The following CRYBG3 variants were observed in gnomAD, a reference collection of about 807,000 sequenced individuals.
The protein encoded by CRYBG3 is crystallin beta-gamma domain containing 3.
Under a neutral mutation model 244.2 loss-of-function variants are expected in CRYBG3, and 127 were observed. That is an observed-to-expected ratio of 0.52 (90% CI 0.45 to 0.60). The LOEUF is 0.60. Among genes scored for constraint, CRYBG3 ranks in the 20% least tolerant of loss-of-function variants. CRYBG3 has a pLI of 0.00. For synonymous variants in CRYBG3, 1,132 were observed against 1,195.8 expected (o/e 0.95, Z 1.10); for missense variants, 3,325 against 3,442.5 (o/e 0.97, Z 0.85).
chr3:97,875,235 T>C lies in CRYBG3; in HGVS notation c.4041T>C (p.Asp1347=), dbSNP rs762247855. 5.8e-5 allele frequency: 88 copies of C among 1,528,304 alleles called. No individual in the cohort carries two copies. The highest frequency in any genetic ancestry group is 7.3e-5 in the Non-Finnish European group (84 of 1,144,120). 94.7% of individuals were successfully genotyped at this position (1,528,304 alleles called of 1,614,324 possible). A position where few individuals can be genotyped will look rare whatever the true frequency, so the allele number is the denominator to read the frequency against. Residue 1347 remains aspartate, a synonymous_variant, in exon 4 of 22, where the codon GAT becomes GAC. Coordinates refer to ENST00000389622, the MANE Select transcript of CRYBG3 (RefSeq NM_153605.4). ...ATACTTCAAAAATTCTGAACAGTGATAGTGTTAAGCCACATGATGTAGTTA... is the reference window on the plus strand; with the variant it reads ...ATACTTCAAAAATTCTGAACAGTGACAGTGTTAAGCCACATGATGTAGTTA... ...QANTSKILNS[D]SVKPHDVVRE...
intron 2 of CRYBG3, among the ~76,000 whole-genome samples, chr3:97,843,636 G>A (rs1576515530): frequency 6.6e-6 from 1 of 152,196 alleles, no homozygotes; most frequent in Non-Finnish European, 1.5e-5. Flanking sequence ...ATGTTGCAAA[G>A]CAATAGTGCT....
At chr3:97,914,167 A>G (rs570694939) in intron 16 of CRYBG3, among the ~76,000 whole-genome samples, 1 of 152,174 alleles carries the variant, frequency 6.6e-6, no homozygotes, top group South Asian at 2.1e-4. Flanking sequence ...GTTTTTGTTT[A>G]TATACTTACC....
chr3:97,876,275 A>G lies in CRYBG3; in HGVS notation c.5081A>G (p.His1694Arg), dbSNP rs2039371062. Residue 1694 changes from histidine to arginine, a missense_variant, in exon 4 of 22, where the codon CAC becomes CGC. Physicochemically the swap from His to Arg is conservative, Grantham distance 29. This residue lies in a region of CRYBG3 where 635 missense variants were observed against 771.7 expected (regional missense o/e 0.82). Coordinates refer to ENST00000389622, the MANE Select transcript of CRYBG3 (RefSeq NM_153605.4). ...TIALSEVENIHQKGGEGISEK... is the reference protein window; with the variant it reads ...TIALSEVENIRQKGGEGISEK... The stretch of plus-strand genomic sequence containing the variant: ...GCCTTGTCAGAAGTGGAAAATATCC[A>G]CCAAAAAGGTGGTGAAGGGATTAGT... The G allele has an allele frequency of 8.1e-7, 1 of 1,232,046 alleles. No individual in the cohort carries two copies. The highest frequency in any genetic ancestry group is 1.0e-6 in the Non-Finnish European group (1 of 987,936). 76.3% of individuals were successfully genotyped at this position (1,232,046 alleles called of 1,614,324 possible). A position where few individuals can be genotyped will look rare whatever the true frequency, so the allele number is the denominator to read the frequency against.
rs199866360 is a variant in CRYBG3 at position 97,899,301 on chromosome 3, T to A, written c.7971+38T>A. 8.6e-5 allele frequency: 136 copies of A among 1,582,768 alleles called. 1 individual carries two copies. The East Asian group carries it at 2.6e-3, about 30-fold the overall frequency. On this transcript the variant is annotated intron_variant, in intron 14 of 21. Transcript: ENST00000389622. ...TGAACATAGCCAGTGCTGCATCATGTAATAGTATGCAATTAAATATGTGGA... is the reference window on the plus strand; with the variant it reads ...TGAACATAGCCAGTGCTGCATCATGAAATAGTATGCAATTAAATATGTGGA...
At chr3:97,850,149 A>G (rs1317800182) in intron 2 of CRYBG3, among the ~76,000 whole-genome samples, 2 of 152,098 alleles carry the variant, frequency 1.3e-5, no homozygotes, top group African/African-American at 2.4e-5. Context: ...ACACTACCCA[A>G]TCTTGACACC....
In CRYBG3 at chr3:97,875,850, G is replaced by T. The variant is rs2039364891; in HGVS notation, c.4656G>T (p.Lys1552Asn). The part of the protein sequence containing the change: ...SMLETGKTNK[K>N]DAELNILKYE... Reference sequence around the variant, plus strand: ...TAGAAACAGGGAAAACAAACAAAAAGGATGCTGAATTGAATATTCTGAAAT... The same window carrying T: ...TAGAAACAGGGAAAACAAACAAAAATGATGCTGAATTGAATATTCTGAAAT... The change falls in exon 4 of 22, where the codon AAG (lysine) becomes AAT (asparagine). Residue 1552 changes from lysine to asparagine, a missense_variant. By Grantham distance (94) the Lys-to-Asn change is moderately conservative. Coordinates refer to ENST00000389622, the MANE Select transcript of CRYBG3 (RefSeq NM_153605.4). The T allele has an allele frequency of 5.7e-6, 7 of 1,231,972 alleles. No individual in the cohort carries two copies. The highest frequency in any genetic ancestry group is 6.1e-6 in the Non-Finnish European group (6 of 987,890). 76.3% of individuals were successfully genotyped at this position (1,231,972 alleles called of 1,614,324 possible). A position where few individuals can be genotyped will look rare whatever the true frequency, so the allele number is the denominator to read the frequency against.
intron 15 of CRYBG3, among the ~76,000 whole-genome samples, chr3:97,908,187 T>C (rs1165075391): frequency 6.6e-6 from 1 of 152,206 alleles, no homozygotes; most frequent in African/African-American, 2.4e-5. Flanking sequence ...AATTTTGGAA[T>C]AGGTGTGTTG....
In CRYBG3 at chr3:97,874,510, A is replaced by AC; in HGVS notation, c.3317dup (p.Thr1107TyrfsTer7). 1 of 1,534,916 alleles carries AC rather than the reference A, an allele frequency of 6.5e-7. No individual in the cohort carries two copies. The highest frequency in any genetic ancestry group is 8.7e-7 in the Non-Finnish European group (1 of 1,146,380). ...CTCTGTAACTAACCTGTTGTACCCTACTACCTCTTATTTGGAATTTGAAAC... is the reference window on the plus strand; with the variant it reads ...CTCTGTAACTAACCTGTTGTACCCTACCTACCTCTTATTTGGAATTTGAAAC... On this transcript the variant is annotated frameshift_variant, in exon 4 of 22. Transcript: ENST00000389622. LOFTEE classifies it high-confidence loss of function.
chr3:97,942,350 A>T lies in CRYBG3; in HGVS notation c.8731A>T (p.Thr2911Ser), dbSNP rs764915783. Residue 2911 changes from threonine (T) to serine (S), a missense_variant, in exon 21 of 22, where the codon ACT (threonine) becomes TCT (serine). Around this residue, in one of 4 missense-constraint regions of CRYBG3, gnomAD observed 714 missense variants for 803.6 expected, o/e 0.89. Coordinates refer to ENST00000389622, the MANE Select transcript of CRYBG3 (RefSeq NM_153605.4). ...ACCTGGAGCTAAAGTAGCTCTATGG[A>T]CTGAACATGGGCAATTCAGGCAGAA... ...DTPGAKVALW[T>S]EHGQFRQKWR... The T allele has an allele frequency of 3.1e-6, 5 of 1,611,910 alleles. No individual in the cohort carries two copies. Among genetic ancestry groups the T allele is most frequent in the Non-Finnish European group, 4.2e-6 (5 of 1,178,608 alleles).
chr3:97,888,186 C>T (rs545033487), intron 8 of CRYBG3, among the ~76,000 whole-genome samples, 155 bp from the exon 9 acceptor site: 92 of 152,206 alleles, frequency 6.0e-4, no homozygotes, highest in African/African-American at 1.8e-3. Flanking sequence ...TAACTATTAT[C>T]GTTATATAAT....
intron 11 of CRYBG3, among the ~76,000 whole-genome samples, chr3:97,895,448 C>T (rs1029103287): frequency 8.5e-5 from 13 of 152,146 alleles, no homozygotes; most frequent in African/African-American, 3.1e-4. Flanking sequence ...TTCTTGGTTC[C>T]TCTTTGATAA....
At chr3:97,928,560 A>C (rs1348809541) in intron 17 of CRYBG3, among the ~76,000 whole-genome samples, 2 of 151,958 alleles carry the variant, frequency 1.3e-5, no homozygotes, top group Non-Finnish European at 2.9e-5. Flanking sequence ...AGAAAATAAA[A>C]GTTGATAGGA....
intron 17 of CRYBG3, 56 bp downstream of exon 17, chr3:97,915,792 T>A: frequency 7.4e-7 from 1 of 1,344,868 alleles, no homozygotes; most frequent in Non-Finnish European, 1.0e-6. Flanking sequence ...CCAGTTTAAT[T>A]ACCACCAATG....
intron 1 of CRYBG3, among the ~76,000 whole-genome samples, chr3:97,823,333 A>T (rs1366634897): frequency 6.6e-6 from 1 of 152,202 alleles, no homozygotes; most frequent in Non-Finnish European, 1.5e-5. Flanking sequence ...TTCGGACTCA[A>T]GATTTCCTGG....
At chr3:97,851,614 T>G (rs1037407866) in intron 2 of CRYBG3, among the ~76,000 whole-genome samples, 1 of 151,742 alleles carries the variant, frequency 6.6e-6, no homozygotes, top group Non-Finnish European at 1.5e-5. Context: ...GAAAGAAAGG[T>G]AGGGAGGGAG....
intron 8 of CRYBG3, among the ~76,000 whole-genome samples, 185 bp downstream of exon 8, chr3:97,886,952 G>A (rs1382127343): frequency 1.3e-5 from 2 of 152,158 alleles, no homozygotes; most frequent in Non-Finnish European, 2.9e-5. Context: ...ACAGGAGCAG[G>A]TATAGAATTC....
At chr3:97,909,508 TCGCTGA>T (rs1377000589) in intron 15 of CRYBG3, among the ~76,000 whole-genome samples, 1 of 151,818 alleles carries the variant, frequency 6.6e-6, no homozygotes, top group Non-Finnish European at 1.5e-5. Context: ...TCATCTTCCA[TCGCTGA>T]TACCCTTTCT....
chr3:97,843,336 A>G (rs1335646268), intron 2 of CRYBG3, 75 bp downstream of exon 2: 2 of 797,864 alleles, frequency 2.5e-6, no homozygotes, highest in East Asian at 2.7e-5. Flanking sequence ...AGATTCTGTC[A>G]TCTTATTTTA....
intron 1 of CRYBG3, among the ~76,000 whole-genome samples, chr3:97,839,225 AGGTGAACAT>A (rs1370078671): frequency 6.6e-6 from 1 of 152,156 alleles, no homozygotes; most frequent in African/African-American, 2.4e-5. Flanking sequence ...ATGAAGCTTG[AGGTGAACAT>A]GGTTCTCTTT....
Sources: gnomAD v4.1 joint callset for allele counts (sites outside exome capture counted in the v4.1 genomes callset) on GRCh38, gnomAD v4.1.1 for gene constraint, gnomAD v4.1.1 regional missense constraint, MANE v1.5 for transcripts, NCBI Gene and HGNC (gene_info 2026-07-23, HGNC 2026-07-21) for gene names.